Variants in FAM98A observed in about 807,000 individuals in gnomAD.
The protein encoded by FAM98A is tRNA splicing ligase complex subunit 3A.
FAM98A carries 25 observed loss-of-function variants against 62.9 expected under a neutral mutation model. The ratio of observed to expected loss-of-function variants is 0.40; its 90% CI spans 0.29 to 0.56. FAM98A has a LOEUF of 0.56. FAM98A is among the 20% of genes least tolerant of loss of function. The pLI, the probability that FAM98A is intolerant of heterozygous loss-of-function variation, is 0.51. For synonymous variants in FAM98A, 252 were observed against 228.6 expected (o/e 1.10, Z -0.92); for missense variants, 653 against 640.7 (o/e 1.02, Z -0.21).
Position 33,585,296 on chromosome 2 carries a change from G to C in FAM98A, c.1037C>G (p.Ser346Cys), listed in dbSNP as rs761683580. Residue 346 changes from serine (S) to cysteine (C), a missense_variant, in exon 8 of 8, where the codon TCC becomes TGC. Coordinates refer to ENST00000238823, the MANE Select transcript of FAM98A (RefSeq NM_015475.5). ...ATGACCTCCTCGTCCTCCGTATGAG[G>C]AATGTTCATAGCCACCTCTCCCTCC... The part of the protein sequence containing the change: ...RGGGRGGYEH[S>C]SYGGRGGHEQ... 1.3e-5 allele frequency: 21 copies of C among 1,613,840 alleles called. 1 individual carries two copies. The South Asian group carries it at 1.9e-4, about 14-fold the overall frequency.
chr2:33,594,642 TATATATATACACAC>T (rs756293471), intron 2 of FAM98A, among the ~76,000 whole-genome samples: 1,135 of 81,116 alleles, frequency 0.014, 313 homozygotes, highest in African/African-American at 0.057. Context: ...TATATACACA[TATATATATACACAC>T]ATATATATAC....
chr2:33,590,973 A>T (rs573377744), intron 3 of FAM98A, among the ~76,000 whole-genome samples: 39 of 152,304 alleles, frequency 2.6e-4, no homozygotes, highest in Non-Finnish European at 4.6e-4. Context: ...GCTATAAAGG[A>T]AGAATCAGCT....
intron 1 of FAM98A, among the ~76,000 whole-genome samples, chr2:33,597,704 C>A (rs1027364030): frequency 6.6e-6 from 1 of 152,180 alleles, no homozygotes; most frequent in Non-Finnish European, 1.5e-5. Context: ...TCCTTTCATT[C>A]CACTCATTCC....
In FAM98A at chr2:33,584,563, G is replaced by A. The variant is rs1373368512; in HGVS notation, c.*213C>T. On this transcript the variant is annotated 3_prime_UTR_variant, in exon 8 of 8. Transcript: ENST00000238823. Reference sequence around the variant, plus strand: ...CTTTTAAAAAATTTTTCATAGAAAGGAGAGATGTTATGTGTTTCTCAAATA... The same window carrying A: ...CTTTTAAAAAATTTTTCATAGAAAGAAGAGATGTTATGTGTTTCTCAAATA... The A allele has an allele frequency of 4.1e-6, 2 of 482,106 alleles. No individual in the cohort carries two copies. Among genetic ancestry groups the A allele is most frequent in the African/African-American group, 1.9e-5 (1 of 51,960 alleles). The allele number at this position is 482,106 out of a possible 1,614,324, so 29.9% of individuals were successfully genotyped here. A position where few individuals can be genotyped will look rare whatever the true frequency, so the allele number is the denominator to read the frequency against.
intron 3 of FAM98A, chr2:33,589,003 C>A (rs1677616368): frequency 6.6e-6 from 1 of 152,090 alleles, no homozygotes; most frequent in South Asian, 2.1e-4. Flanking sequence ...AGGTGTGAAA[C>A]AACATTTATA....
chr2:33,595,622 C>T lies in FAM98A; in HGVS notation c.69G>A (p.Leu23=), dbSNP rs79611244. ...CCTGAGAGAGCGCTCCATCTTCCAA[C>T]AATGGGCCCTTGTAACTGGTGAGCA... ...SLEDLGYKGP[L]LEDGALSQAV... is the part of the protein sequence containing the mutation. The change falls in exon 2 of 8, where the codon TTG becomes TTA. Residue 23 remains leucine, a synonymous_variant. Transcript: ENST00000238823. 4.1e-4 allele frequency: 646 copies of T among 1,582,138 alleles called. 1 individual carries two copies. In the African/African-American group the frequency reaches 8.2e-3, roughly 20 times the overall value.
At chr2:33,598,072 G>C (rs1677854782) in intron 1 of FAM98A, among the ~76,000 whole-genome samples, 1 of 152,126 alleles carries the variant, frequency 6.6e-6, no homozygotes, top group Non-Finnish European at 1.5e-5. Flanking sequence ...AAGAACAATA[G>C]TATTTCACTG....
At chr2:33,592,886 C>A (rs1677705092) in intron 2 of FAM98A, among the ~76,000 whole-genome samples, 1 of 152,232 alleles carries the variant, frequency 6.6e-6, no homozygotes, top group Non-Finnish European at 1.5e-5. Flanking sequence ...AGTCTCCTCA[C>A]TGTCCCATGA....
At chr2:33,593,515 C>A (rs935518238) in intron 2 of FAM98A, among the ~76,000 whole-genome samples, 4 of 152,074 alleles carry the variant, frequency 2.6e-5, no homozygotes, top group Admixed American at 2.6e-4. Context: ...TCTTGTATTC[C>A]CACAGCATAT....
chr2:33,593,300 G>A (rs891435920), intron 2 of FAM98A, among the ~76,000 whole-genome samples: 1 of 152,172 alleles, frequency 6.6e-6, no homozygotes, highest in Non-Finnish European at 1.5e-5. Context: ...AGCTACTAAG[G>A]AGGCTGACCT....
At chr2:33,591,631 C>T (rs1415509527) in intron 3 of FAM98A, among the ~76,000 whole-genome samples, 1 of 152,190 alleles carries the variant, frequency 6.6e-6, no homozygotes, top group Admixed American at 6.5e-5. Context: ...AGACAAAATA[C>T]TTTAAATTAC....
chr2:33,586,648 C>T lies in FAM98A; in HGVS notation c.634G>A (p.Ala212Thr). Residue 212 changes from alanine (A) to threonine (T), a missense_variant, in exon 6 of 8, where the codon GCC becomes ACC. Ala to Thr is a moderately conservative substitution (Grantham distance 58). Transcript: ENST00000238823. ...TTTCTCCGGACTTCATATTCATTGG[C>T]TATGGCTTGGTTAATTGCTTCTATC... ...EKIEAINQAIANEYEVRRKLL... is the reference protein window; with the variant it reads ...EKIEAINQAITNEYEVRRKLL... 6.2e-7 allele frequency: 1 copy of T among 1,613,386 alleles called. No homozygotes were observed. The highest frequency in any genetic ancestry group is 8.5e-7 in the Non-Finnish European group (1 of 1,179,396).
At position 33,599,279 on chromosome 2, in the gene FAM98A, T is replaced by A. The variant is rs1192118704; in HGVS notation, c.-58A>T. The A allele has an allele frequency of 1.6e-5, 23 of 1,435,290 alleles. No individual in the cohort carries two copies. The highest frequency in any genetic ancestry group is 3.0e-6 in the Non-Finnish European group (3 of 1,016,764). The allele number at this position is 1,435,290 out of a possible 1,614,324, so 88.9% of individuals were successfully genotyped here. A position where few individuals can be genotyped will look rare whatever the true frequency, so the allele number is the denominator to read the frequency against. On this transcript the variant is annotated 5_prime_UTR_variant, in exon 1 of 8. Transcript: ENST00000238823. ...GGCTCCCCTCTTCGCCGGCAACGCG[T>A]ACACTCGCGCATGCGCGACTTCCCC...
At chr2:33,592,418 T>C (rs918128328) in intron 2 of FAM98A, among the ~76,000 whole-genome samples, 3 of 151,996 alleles carry the variant, frequency 2.0e-5, no homozygotes, top group Admixed American at 2.0e-4. Context: ...TAGGCTGGAG[T>C]GCAGTGGTGT....
chr2:33,591,674 G>A lies in FAM98A; in HGVS notation c.337+406C>T, dbSNP rs146974838. On this transcript the variant is annotated intron_variant, in intron 3 of 7. Coordinates refer to ENST00000238823, the MANE Select transcript of FAM98A (RefSeq NM_015475.5). Reference sequence around the variant, plus strand: ...ATTAACTGTATCTACTATTATAAATGCTTACTCTCCTCAAAGAAATGAATT... The same window carrying A: ...ATTAACTGTATCTACTATTATAAATACTTACTCTCCTCAAAGAAATGAATT... Among the ~76,000 whole-genome samples the A allele has an allele frequency of 5.8e-3, 877 of 152,176 alleles. 10 individuals carry two copies. The highest frequency in any genetic ancestry group is 0.02 in the African/African-American group (840 of 41,522).
intron 2 of FAM98A, among the ~76,000 whole-genome samples, chr2:33,593,113 A>G (rs1677712051): frequency 6.6e-6 from 1 of 152,124 alleles, no homozygotes; most frequent in East Asian, 1.9e-4. Flanking sequence ...GCATTTAAGT[A>G]CTGTACTTGG....
At chr2:33,598,994 G>C (rs754335320) in intron 1 of FAM98A, among the ~76,000 whole-genome samples, 175 bp downstream of exon 1, 2 of 152,130 alleles carry the variant, frequency 1.3e-5, no homozygotes, top group African/African-American at 4.8e-5. Flanking sequence ...AGGACCCCGA[G>C]CTAGCAGTGC....
intron 4 of FAM98A, chr2:33,588,104 A>T (rs569656464): frequency 3.8e-5 from 20 of 532,734 alleles, no homozygotes; most frequent in Middle Eastern, 3.0e-4. Flanking sequence ...AACCAGTGTA[A>T]AGTTTCCTTT....
rs746506713 is a variant in FAM98A at position 33,585,644 on chromosome 2, G to C, written c.774C>G (p.Ser258=). Reference sequence around the variant, plus strand: ...GGGCAACAGAAATAGTAGTTTTAGGGGATAAGACTGAACGTTTCGGCTGGT... The same window carrying C: ...GGGCAACAGAAATAGTAGTTTTAGGCGATAAGACTGAACGTTTCGGCTGGT... ...KVYQPKRSVL[S]PKTTISVAHL... Residue 258 remains serine (S), a synonymous_variant, in exon 7 of 8, where the codon TCC becomes TCG. Transcript: ENST00000238823. 1 of 1,614,036 alleles carries C rather than the reference G, an allele frequency of 6.2e-7. No homozygotes were observed. Among genetic ancestry groups the C allele is most frequent in the Non-Finnish European group, 8.5e-7 (1 of 1,179,982 alleles).
Sources: gnomAD v4.1 joint callset for allele counts (sites outside exome capture counted in the v4.1 genomes callset) on GRCh38, gnomAD v4.1.1 for gene constraint, MANE v1.5 for transcripts, NCBI Gene and HGNC (gene_info 2026-07-23, HGNC 2026-07-21) for gene names.